The following CCNF variants were observed in gnomAD, a reference collection of about 807,000 sequenced individuals.
CCNF encodes the protein cyclin F, also known as cyclin-F.
Under a neutral mutation model 85.4 loss-of-function variants are expected in CCNF, and 30 were observed. The ratio of observed to expected loss-of-function variants is 0.35; its 90% CI spans 0.26 to 0.48. The LOEUF (loss-of-function observed/expected upper bound fraction) is 0.48. CCNF is among the 20% of genes least tolerant of loss of function. The pLI is 0.99. For synonymous variants in CCNF, 439 were observed against 425.1 expected, an observed-to-expected ratio of 1.03 and a Z score of -0.40; for missense variants, 919 against 1,010.4, an observed-to-expected ratio of 0.91 and a Z score of 1.23.
rs780211194 is a variant in CCNF at position 2,453,389 on chromosome 16, C to A, written c.1588-21C>A. On this transcript the variant is annotated intron_variant, in intron 14 of 16. Coordinates refer to ENST00000397066, the MANE Select transcript of CCNF (RefSeq NM_001761.3). This position sits in a 1 kb window ranked among gnomAD's most constrained non-coding sequence, Gnocchi z 5.6. The stretch of plus-strand genomic sequence containing the variant: ...CTCACCCTCGGGGCCTCTGCACCCC[C>A]TAACTCTAGCTTCCCCTCAGGTGCT... The A allele has an allele frequency of 1.2e-6, 2 of 1,613,864 alleles. No individual in the cohort carries two copies. The highest frequency in any genetic ancestry group is 2.2e-5 in the South Asian group (2 of 91,082).
Position 2,451,146 on chromosome 16 carries a change from C to T in CCNF, c.1487+1231C>T, listed in dbSNP as rs1188455548. On this transcript the variant is annotated intron_variant, in intron 13 of 16. Transcript: ENST00000397066. The surrounding 1 kb of genome is among the most constrained non-coding windows in gnomAD (Gnocchi z 4.3). Reference sequence around the variant, plus strand: ...TCCATGCAGTTCATGAAGTCCCTACCGTGGTCCAGGCGCTGGGGGAGAGGG... The same window carrying T: ...TCCATGCAGTTCATGAAGTCCCTACTGTGGTCCAGGCGCTGGGGGAGAGGG... 2.0e-5 allele frequency among the ~76,000 whole-genome samples: 3 copies of T among 152,236 alleles called. No homozygotes were observed. The highest frequency in any genetic ancestry group is 2.1e-4 in the South Asian group (1 of 4,834).
chr16:2,434,565 C>A lies in CCNF; in HGVS notation c.279-1241C>A, dbSNP rs147350163. On this transcript the variant is annotated intron_variant, in intron 3 of 16. Coordinates refer to ENST00000397066, the MANE Select transcript of CCNF (RefSeq NM_001761.3). The stretch of plus-strand genomic sequence containing the variant: ...GGCAGAGGTTGCAGTGAGCCGAGAT[C>A]GCACCACTGCACTCCAGCCTGAGCA... Among the ~76,000 whole-genome samples, 1,395 of 152,088 alleles carry A rather than the reference C, an allele frequency of 9.2e-3. 22 individuals carry two copies. Among genetic ancestry groups the A allele is most frequent in the African/African-American group, 0.031 (1,303 of 41,474 alleles).
At chr16:2,434,869 TC>T (rs1291435883) in intron 3 of CCNF, among the ~76,000 whole-genome samples, 1 of 152,272 alleles carries the variant, frequency 6.6e-6, no homozygotes, top group Non-Finnish European at 1.5e-5. Flanking sequence ...ACGTGGTCTT[TC>T]GTGGCTGGCT....
chr16:2,437,677 CCAGGT>C (rs1193086132), intron 5 of CCNF: 1 of 316,074 alleles, frequency 3.2e-6, no homozygotes, highest in African/African-American at 2.1e-5. Flanking sequence ...TTGCTTGTGG[CCAGGT>C]GTTCGAGACC....
At chr16:2,436,038 G>A in intron 4 of CCNF, 165 bp downstream of exon 4, 3 of 525,612 alleles carry the variant, frequency 5.7e-6, no homozygotes, top group Non-Finnish European at 1.0e-5. Context: ...GTACCCTGCT[G>A]AGGGACCTGC....
intron 6 of CCNF, 125 bp from the exon 7 acceptor site, chr16:2,439,228 G>A (rs2065308026): frequency 2.8e-6 from 2 of 703,984 alleles, no homozygotes; most frequent in Non-Finnish European, 4.7e-6. Context: ...AACCCAGGAG[G>A]CGGAGGTTGC....
In CCNF at chr16:2,453,157, A is replaced by G; in HGVS notation, c.1488-53A>G. On this transcript the variant is annotated intron_variant, in intron 13 of 16. Coordinates refer to ENST00000397066, the MANE Select transcript of CCNF (RefSeq NM_001761.3). This position sits in a 1 kb window ranked among gnomAD's most constrained non-coding sequence, Gnocchi z 5.6. The stretch of plus-strand genomic sequence containing the variant: ...TTGCTCACTTCAGTGAACTGAAGCT[A>G]AAAATGGGGTGGGGGTGCCTCACAT... The G allele has an allele frequency of 6.7e-7, 1 of 1,493,304 alleles. No homozygotes were observed. The highest frequency in any genetic ancestry group is 9.3e-7 in the Non-Finnish European group (1 of 1,070,714). The allele number at this position is 1,493,304 out of a possible 1,614,324, so 92.5% of individuals were successfully genotyped here. A position where few individuals can be genotyped will look rare whatever the true frequency, so the allele number is the denominator to read the frequency against.
Position 2,453,264 on chromosome 16 carries a change from G to C in CCNF, c.1542G>C (p.Lys514Asn). 6.2e-7 allele frequency: 1 copy of C among 1,613,954 alleles called. No individual in the cohort carries two copies. Among genetic ancestry groups the C allele is most frequent in the Non-Finnish European group, 8.5e-7 (1 of 1,180,030 alleles). Residue 514 changes from lysine to asparagine, a missense_variant, in exon 14 of 17, where the codon AAG becomes AAC. By Grantham distance (94) the Lys-to-Asn change is moderately conservative. This residue lies in a region of CCNF where 505 missense variants were observed against 514.8 expected (regional missense o/e 0.98). Transcript: ENST00000397066. The surrounding 1 kb of genome is among the most constrained non-coding windows in gnomAD (Gnocchi z 5.6). ...DYRQVSLTAV[K>N]QRFEDKRYGE... Reference sequence around the variant, plus strand: ...GGCAAGTCTCTCTGACCGCCGTGAAGCAGCGGTTTGAGGACAAGCGCTATG... The same window carrying C: ...GGCAAGTCTCTCTGACCGCCGTGAACCAGCGGTTTGAGGACAAGCGCTATG...
Position 2,453,613 on chromosome 16 carries a change from T to G in CCNF, c.1715+76T>G. Reference sequence around the variant, plus strand: ...CCGGCCCAGTTCCCTCAGCGCTTCCTCACACAGAGAGGCCCCCAAGGCTTG... The same window carrying G: ...CCGGCCCAGTTCCCTCAGCGCTTCCGCACACAGAGAGGCCCCCAAGGCTTG... On this transcript the variant is annotated intron_variant, in intron 15 of 16. Transcript: ENST00000397066. This position sits in a 1 kb window ranked among gnomAD's most constrained non-coding sequence, Gnocchi z 5.6. 6.3e-7 allele frequency: 1 copy of G among 1,581,664 alleles called. No homozygotes were observed. The highest frequency in any genetic ancestry group is 8.6e-7 in the Non-Finnish European group (1 of 1,158,954).
chr16:2,449,787 C>T (rs1567389530), intron 12 of CCNF, 41 bp from the exon 13 acceptor site: 2 of 724,200 alleles, frequency 2.8e-6, no homozygotes, highest in Admixed American at 1.9e-5. Context: ...TCCCCTCCGT[C>T]CCCTCCATCC....
At position 2,456,206 on chromosome 16, in the gene CCNF, G is replaced by A. The variant is rs777019340; in HGVS notation, c.1886-339G>A. 3 of 271,204 alleles carry A rather than the reference G, an allele frequency of 1.1e-5. No individual in the cohort carries two copies. Among genetic ancestry groups the A allele is most frequent in the African/African-American group, 2.2e-5 (1 of 45,436 alleles). 16.8% of individuals were successfully genotyped at this position (271,204 alleles called of 1,614,324 possible). On this transcript the variant is annotated intron_variant, in intron 16 of 16. Transcript: ENST00000397066. The surrounding 1 kb of genome is among the most constrained non-coding windows in gnomAD (Gnocchi z 4.5). ...ACGTGACACTCCTCACTGCCCTGCT[G>A]GGATCACTGCCCTGTGCAAACCCCA...
At position 2,451,947 on chromosome 16, in the gene CCNF, A is replaced by T. The variant is rs2065397584; in HGVS notation, c.1488-1263A>T. On this transcript the variant is annotated intron_variant, in intron 13 of 16. Coordinates refer to ENST00000397066, the MANE Select transcript of CCNF (RefSeq NM_001761.3). The surrounding 1 kb of genome is among the most constrained non-coding windows in gnomAD (Gnocchi z 4.3). ...ACCCCCCTGCCAGCGTGACTCAGCC[A>T]ACGGCCTGTTGCCTGTTCTGGCCCT... Among the ~76,000 whole-genome samples, 1 of 152,228 alleles carries T rather than the reference A, an allele frequency of 6.6e-6. No homozygotes were observed.
In CCNF at chr16:2,452,103, G is replaced by A. The variant is rs1423184642; in HGVS notation, c.1488-1107G>A. 2.6e-5 allele frequency among the ~76,000 whole-genome samples: 4 copies of A among 152,198 alleles called. No homozygotes were observed. Among genetic ancestry groups the A allele is most frequent in the East Asian group, 1.9e-4 (1 of 5,200 alleles). On this transcript the variant is annotated intron_variant, in intron 13 of 16. Transcript: ENST00000397066. This position sits in a 1 kb window ranked among gnomAD's most constrained non-coding sequence, Gnocchi z 4.1. ...CACAGCTTGGGGACTGGAGCTATCCGTGGCGGCTGCCCGGCCTCCTGGAAC... is the reference window on the plus strand; with the variant it reads ...CACAGCTTGGGGACTGGAGCTATCCATGGCGGCTGCCCGGCCTCCTGGAAC...
Position 2,458,744 on chromosome 16 carries a change from A to T in CCNF, c.*1724A>T, listed in dbSNP as rs1328329856. Reference sequence around the variant, plus strand: ...TTGGAACTGTAGACCCGTCCTGTCGACTGTGTGCCCCTGGGCATGTGTGAG... The same window carrying T: ...TTGGAACTGTAGACCCGTCCTGTCGTCTGTGTGCCCCTGGGCATGTGTGAG... On this transcript the variant is annotated 3_prime_UTR_variant, in exon 17 of 17. Coordinates refer to ENST00000397066, the MANE Select transcript of CCNF (RefSeq NM_001761.3). 1 of 152,170 alleles carries T rather than the reference A, an allele frequency of 6.6e-6. No individual in the cohort carries two copies. Among genetic ancestry groups the T allele is most frequent in the African/African-American group, 2.4e-5 (1 of 41,370 alleles). The allele number at this position is 152,170 out of a possible 1,614,324, so 9.4% of individuals were successfully genotyped here. A position where few individuals can be genotyped will look rare whatever the true frequency, so the allele number is the denominator to read the frequency against.
chr16:2,457,146 GC>G lies in CCNF; in HGVS notation c.*127del. ...GCGCAGAGAGCAGAGAGGATGACTTGCGGCCACCAAGTTTCTGTCTCCGCGG... is the reference window on the plus strand; with the variant it reads ...GCGCAGAGAGCAGAGAGGATGACTTGGGCCACCAAGTTTCTGTCTCCGCGG... On this transcript the variant is annotated 3_prime_UTR_variant, in exon 17 of 17. Coordinates refer to ENST00000397066, the MANE Select transcript of CCNF (RefSeq NM_001761.3). The G allele has an allele frequency of 1.4e-6, 1 of 694,470 alleles. No homozygotes were observed. The highest frequency in any genetic ancestry group is 1.8e-5 in the African/African-American group (1 of 55,562). The allele number at this position is 694,470 out of a possible 1,614,324, so 43.0% of individuals were successfully genotyped here.
rs1176586896 is a variant in CCNF, at chr16:2,438,307, G to C, written c.594+184G>C. On this transcript the variant is annotated intron_variant, in intron 6 of 16. Coordinates refer to ENST00000397066, the MANE Select transcript of CCNF (RefSeq NM_001761.3). ...GGCCTGGCCACGGGCTCCGATCCTG[G>C]CTCCATGACCCGCCTGGCAGGGGAG... 2.6e-5 allele frequency among the ~76,000 whole-genome samples: 4 copies of C among 152,144 alleles called. No homozygotes were observed. In the East Asian group the frequency reaches 7.7e-4, roughly 29 times the overall value.
intron 12 of CCNF, 62 bp downstream of exon 12, chr16:2,449,524 T>G (rs1422399760): frequency 6.6e-7 from 1 of 1,506,852 alleles, no homozygotes; most frequent in Admixed American, 1.9e-5. Context: ...AGGAGGAGGC[T>G]GTGGGGAGGA....
At chr16:2,454,951 TCAGGAGCCTGAGG>T (rs1421363645) in intron 15 of CCNF, among the ~76,000 whole-genome samples, 1 of 150,032 alleles carries the variant, frequency 6.7e-6, no homozygotes, top group African/African-American at 2.5e-5. Context: ...TCCCAGCTAC[TCAGGAGCCTGAGG>T]CAGGAGACTC....
In CCNF at chr16:2,458,621, T is replaced by A. The variant is rs1435137612; in HGVS notation, c.*1601T>A. 1.3e-5 allele frequency: 2 copies of A among 152,232 alleles called. No individual in the cohort carries two copies. Among genetic ancestry groups the A allele is most frequent in the African/African-American group, 4.8e-5 (2 of 41,418 alleles). The allele number at this position is 152,232 out of a possible 1,614,324, so 9.4% of individuals were successfully genotyped here. A position where few individuals can be genotyped will look rare whatever the true frequency, so the allele number is the denominator to read the frequency against. ...GAGCTGCTGCTTTTATGTGTGCTGG[T>A]GCTATGTGTGTTCATGTCCGCGGCA... On this transcript the variant is annotated 3_prime_UTR_variant, in exon 17 of 17. Transcript: ENST00000397066.
Sources: gnomAD v4.1 joint callset for allele counts (sites outside exome capture counted in the v4.1 genomes callset) on GRCh38, gnomAD v4.1.1 for gene constraint, gnomAD v4.1.1 regional missense constraint, Gnocchi (gnomAD v3.1) non-coding constraint, MANE v1.5 for transcripts, NCBI Gene and HGNC (gene_info 2026-07-23, HGNC 2026-07-21) for gene names.